Variants in TYR observed in about 807,000 individuals in gnomAD.
The protein encoded by TYR is LB24-AB.
A neutral mutation model predicts 51.5 loss-of-function variants in TYR; 58 were observed. The observed-to-expected ratio is 1.13, with a 90% confidence interval of 0.91 to 1.40. The LOEUF is 1.40. Among genes scored for constraint, TYR ranks in the 40% most tolerant of loss-of-function variants. The pLI, the probability that TYR is intolerant of heterozygous loss-of-function variation, is 0.00. For synonymous variants in TYR, 263 were observed against 235.2 expected (o/e 1.12, Z -1.08); for missense variants, 732 against 647.4 (o/e 1.13, Z -1.42).
rs1214974325 is a variant in TYR, at chr11:89,178,390, G to C, written c.437G>C (p.Ser146Thr). The change falls in exon 1 of 5, where the codon AGC (serine) becomes ACC (threonine). Residue 146 changes from serine (S) to threonine (T), a missense_variant. Coordinates refer to ENST00000263321, the MANE Select transcript of TYR (RefSeq NM_000372.5). Reference sequence around the variant, plus strand: ...CTCACTTTAGCAAAGCATACCATCAGCTCAGACTATGTCATCCCCATAGGG... The same window carrying C: ...CTCACTTTAGCAAAGCATACCATCACCTCAGACTATGTCATCCCCATAGGG... ...AYLTLAKHTI[S>T]SDYVIPIGTY... 1 of 1,614,026 alleles carries C rather than the reference G, an allele frequency of 6.2e-7. No individual in the cohort carries two copies. The highest frequency in any genetic ancestry group is 1.3e-5 in the African/African-American group (1 of 74,904).
chr11:89,217,674 T>TG (rs1943850083), intron 2 of TYR, among the ~76,000 whole-genome samples: 1 of 152,192 alleles, frequency 6.6e-6, no homozygotes. Flanking sequence ...CGTTGTTTTA[T>TG]TTTTCCCTCT....
At chr11:89,203,777 G>T (rs1225303842) in intron 2 of TYR, among the ~76,000 whole-genome samples, 1 of 151,758 alleles carries the variant, frequency 6.6e-6, no homozygotes, top group African/African-American at 2.4e-5. Context: ...AAAACAGAAA[G>T]AAAAAAACAC....
intron 3 of TYR, among the ~76,000 whole-genome samples, chr11:89,282,339 A>G (rs996358570): frequency 6.6e-6 from 1 of 151,668 alleles, no homozygotes; most frequent in Non-Finnish European, 1.5e-5. Context: ...TGGAGGGATT[A>G]TCAGACAGCC....
rs1482829698 is a variant in TYR, at chr11:89,178,260, T to C, written c.307T>C (p.Cys103Arg). 7 of 1,614,226 alleles carry C rather than the reference T, an allele frequency of 4.3e-6. No homozygotes were observed. The highest frequency in any genetic ancestry group is 5.9e-6 in the Non-Finnish European group (7 of 1,180,052). Residue 103 changes from cysteine (C) to arginine (R), a missense_variant, in exon 1 of 5, where the codon TGC becomes CGC. Cys to Arg is a radical substitution (Grantham distance 180). Coordinates refer to ENST00000263321, the MANE Select transcript of TYR (RefSeq NM_000372.5). ...GNFMGFNCGN[C>R]KFGFWGPNCT... is the part of the protein sequence containing the mutation. ...CTTCATGGGATTCAACTGTGGAAAC[T>C]GCAAGTTTGGCTTTTGGGGACCAAA...
intron 3 of TYR, among the ~76,000 whole-genome samples, chr11:89,284,425 C>G (rs1194938093): frequency 6.6e-6 from 1 of 151,716 alleles, no homozygotes; most frequent in East Asian, 1.9e-4. Context: ...TCTGGTCTTT[C>G]TTTGGGAATA....
At chr11:89,199,312 G>T (rs779436068) in intron 2 of TYR, among the ~76,000 whole-genome samples, 1 of 152,134 alleles carries the variant, frequency 6.6e-6, no homozygotes, top group Non-Finnish European at 1.5e-5. Context: ...TCTAGTTCTA[G>T]ATCCCTGAGG....
At chr11:89,295,016 T>G in intron 4 of TYR, 127 bp from the exon 5 acceptor site, 1 of 1,475,784 alleles carries the variant, frequency 6.8e-7, no homozygotes, top group Non-Finnish European at 9.2e-7. Flanking sequence ...GCTCTTACAG[T>G]TAATAAGTAG....
At chr11:89,272,730 T>C (rs187412764) in intron 3 of TYR, among the ~76,000 whole-genome samples, 1 of 152,066 alleles carries the variant, frequency 6.6e-6, no homozygotes, top group African/African-American at 2.4e-5. Flanking sequence ...ATTTGTTTGT[T>C]TAGTGTAATG....
At chr11:89,234,943 C>T (rs1354271921) in intron 3 of TYR, among the ~76,000 whole-genome samples, 1 of 151,076 alleles carries the variant, frequency 6.6e-6, no homozygotes, top group East Asian at 1.9e-4. Flanking sequence ...GAGTAGATTC[C>T]ATCTCAAGGT....
chr11:89,269,463 G>GT (rs11381844), intron 3 of TYR, among the ~76,000 whole-genome samples: 1,752 of 151,896 alleles, frequency 0.012, 35 homozygotes, highest in African/African-American at 0.04. Flanking sequence ...GATATTAAAT[G>GT]TTTTTTGGAA....
intron 2 of TYR, among the ~76,000 whole-genome samples, chr11:89,211,582 C>T (rs1379113196): frequency 6.6e-6 from 1 of 152,164 alleles, no homozygotes; most frequent in Admixed American, 6.5e-5. Flanking sequence ...GAATTGAACT[C>T]GGCTCTGGAC....
At chr11:89,286,140 C>T (rs1276628688) in intron 4 of TYR, among the ~76,000 whole-genome samples, 1 of 151,662 alleles carries the variant, frequency 6.6e-6, no homozygotes, top group Non-Finnish European at 1.5e-5. Context: ...CACAGCAGTG[C>T]TGAAGAGAAA....
rs186186411 is a variant in TYR, at chr11:89,242,399, G to A, written c.1184+14429G>A. Among the ~76,000 whole-genome samples the A allele has an allele frequency of 1.1e-3, 163 of 151,808 alleles. 1 individual carries two copies. Among genetic ancestry groups the A allele is most frequent in the African/African-American group, 3.8e-3 (159 of 41,392 alleles). ...ATTTGGGCATTTTTTTTTAGTAGAG[G>A]CAGGGTTTCACCATTTGGCTAGGCT... On this transcript the variant is annotated intron_variant, in intron 3 of 4. Coordinates refer to ENST00000263321, the MANE Select transcript of TYR (RefSeq NM_000372.5).
chr11:89,203,410 T>G (rs956965374), intron 2 of TYR, among the ~76,000 whole-genome samples: 2 of 152,174 alleles, frequency 1.3e-5, no homozygotes, highest in South Asian at 2.1e-4. Context: ...CTGCTCAGAG[T>G]AGGTATCTAA....
intron 3 of TYR, among the ~76,000 whole-genome samples, chr11:89,261,828 A>G (rs1416328570): frequency 6.6e-6 from 1 of 152,144 alleles, no homozygotes; most frequent in African/African-American, 2.4e-5. Flanking sequence ...AACTTTGAAA[A>G]GATTGAAATC....
intron 2 of TYR, chr11:89,200,605 TA>T (rs1251447248): frequency 6.6e-6 from 1 of 151,744 alleles, no homozygotes; most frequent in East Asian, 1.9e-4. Context: ...TTAATTTATT[TA>T]AAAAATTAAT....
intron 2 of TYR, among the ~76,000 whole-genome samples, chr11:89,219,226 T>C (rs868353619): frequency 4.6e-5 from 7 of 152,046 alleles, no homozygotes; most frequent in Middle Eastern, 3.2e-3. Flanking sequence ...ACAAAAATTG[T>C]TTCAGGAAAA....
chr11:89,228,063 G>C, intron 3 of TYR, 93 bp downstream of exon 3: 1 of 1,499,008 alleles, frequency 6.7e-7, no homozygotes, highest in Non-Finnish European at 9.2e-7. Flanking sequence ...TAAAAGCTAA[G>C]AAGTTATGGT....
intron 3 of TYR, among the ~76,000 whole-genome samples, chr11:89,273,732 G>T (rs1362446508): frequency 1.3e-5 from 2 of 151,868 alleles, no homozygotes; most frequent in Non-Finnish European, 2.9e-5. Flanking sequence ...CACAGACTGG[G>T]TAGCTTAAAC....
Sources: allele counts gnomAD v4.1 joint callset (sites outside exome capture counted in the v4.1 genomes callset), GRCh38; gene constraint gnomAD v4.1.1; transcripts MANE v1.5; gene names NCBI Gene and HGNC (gene_info 2026-07-23, HGNC 2026-07-21).